The following ZNF257 variants were observed in gnomAD, a reference collection of about 807,000 sequenced individuals.
ZNF257 encodes bone marrow zinc finger 4.
ZNF257 carries 12 observed loss-of-function variants against 11.9 expected under a neutral mutation model. That is an observed-to-expected ratio of 1.01 (90% CI 0.65 to 1.63). The LOEUF (loss-of-function observed/expected upper bound fraction) is 1.63, where lower values mean the gene tolerates loss of function less well. Among genes scored for constraint, ZNF257 ranks in the 40% most tolerant of loss-of-function variants. ZNF257 has a pLI of 0.00. For synonymous variants in ZNF257, 183 were observed against 222.7 expected (o/e 0.82, Z 1.59); for missense variants, 580 against 665.5 (o/e 0.87, Z 1.41).
rs189763118 is a variant in ZNF257, at chr19:22,089,075, G to A, written c.1325G>A (p.Arg442Gln). 1.7e-5 allele frequency: 27 copies of A among 1,609,778 alleles called. No individual in the cohort carries two copies. The highest frequency in any genetic ancestry group is 1.7e-4 in the Middle Eastern group (1 of 6,020). The change falls in exon 4 of 4, where the codon CGG becomes CAG. Residue 442 changes from arginine (R) to glutamine (Q), a missense_variant. By Grantham distance (43) the Arg-to-Gln change is conservative. Transcript: ENST00000594947. ...GAAGAGTGTGGCAAAGCCTTTAACC[G>A]GTCTTCATACCTTATTCGACATAAG... is the stretch of plus-strand genomic sequence containing the variant. The part of the protein sequence containing the change: ...KCEECGKAFN[R>Q]SSYLIRHKII...
In ZNF257 at chr19:22,089,560, T is replaced by A. The variant is rs546726229; in HGVS notation, c.*118T>A. 1.8e-5 allele frequency: 26 copies of A among 1,477,180 alleles called. No homozygotes were observed. In the African/African-American group the frequency reaches 2.8e-4, roughly 16 times the overall value. 91.5% of individuals were successfully genotyped at this position (1,477,180 alleles called of 1,614,324 possible). A position where few individuals can be genotyped will look rare whatever the true frequency, so the allele number is the denominator to read the frequency against. On this transcript the variant is annotated 3_prime_UTR_variant, in exon 4 of 4. Transcript: ENST00000594947. ...CCCTACAAATGTGAAGAACGTGGCCTGGCTTTTAACAAATCCTCAACATTT... is the reference window on the plus strand; with the variant it reads ...CCCTACAAATGTGAAGAACGTGGCCAGGCTTTTAACAAATCCTCAACATTT...
At chr19:22,079,744 C>T (rs1431047109) in intron 3 of ZNF257, among the ~76,000 whole-genome samples, 2 of 152,068 alleles carry the variant, frequency 1.3e-5, no homozygotes, top group Non-Finnish European at 2.9e-5. Flanking sequence ...CATATTATTT[C>T]TGTTAAAAAC....
chr19:22,084,146 A>G (rs2022421683), intron 3 of ZNF257, among the ~76,000 whole-genome samples: 1 of 151,948 alleles, frequency 6.6e-6, no homozygotes, highest in Non-Finnish European at 1.5e-5. Context: ...ATCTCAAAAA[A>G]AAAAAAAAGA....
At chr19:22,063,307 A>G (rs989867658) in intron 1 of ZNF257, among the ~76,000 whole-genome samples, 1 of 151,646 alleles carries the variant, frequency 6.6e-6, no homozygotes, top group African/African-American at 2.4e-5. Context: ...CAAAGATTTA[A>G]CTCCTGGATT....
chr19:22,083,205 C>G (rs757450569), intron 3 of ZNF257, among the ~76,000 whole-genome samples: 1 of 152,138 alleles, frequency 6.6e-6, no homozygotes, highest in Admixed American at 6.5e-5. Context: ...TGTGGTGGCT[C>G]ACACCTGTAA....
intron 1 of ZNF257, chr19:22,064,249 A>T (rs1178150547): frequency 3.3e-5 from 5 of 152,218 alleles, no homozygotes; most frequent in African/African-American, 9.6e-5. Context: ...CCTTGAAATA[A>T]GCACTTAGCA....
chr19:22,054,831 G>A (rs536674006), intron 1 of ZNF257, among the ~76,000 whole-genome samples: 2 of 151,808 alleles, frequency 1.3e-5, no homozygotes, highest in South Asian at 4.2e-4. Context: ...TTGGTCTTGG[G>A]CTTCAGTATT....
chr19:22,078,619 A>C (rs2022285857), intron 3 of ZNF257, among the ~76,000 whole-genome samples: 1 of 152,050 alleles, frequency 6.6e-6, no homozygotes, highest in Non-Finnish European at 1.5e-5. Context: ...TGATGCATTT[A>C]ATGTTGTATC....
chr19:22,065,770 G>A (rs1196209668), intron 1 of ZNF257: 1 of 152,116 alleles, frequency 6.6e-6, no homozygotes, highest in African/African-American at 2.4e-5. Context: ...AGTTAACTAT[G>A]TTGCAAGCTC....
In ZNF257 at chr19:22,072,938, G is replaced by C; in HGVS notation, c.130+3G>C. 1.2e-6 allele frequency: 2 copies of C among 1,610,594 alleles called. No individual in the cohort carries two copies. The highest frequency in any genetic ancestry group is 1.7e-6 in the Non-Finnish European group (2 of 1,178,482). ...CTACAGAAACCTGGTCTTCCTGGGT[G>C]AGGATAACTTCAGTACTCAATTCCT... On this transcript the variant is annotated splice_donor_region_variant and intron_variant, in intron 2 of 3. Coordinates refer to ENST00000594947, the MANE Select transcript of ZNF257 (RefSeq NM_033468.4).
chr19:22,053,593 C>A (rs6511314), intron 1 of ZNF257, among the ~76,000 whole-genome samples: 36,974 of 151,916 alleles, frequency 0.24, 6,240 homozygotes, highest in African/African-American at 0.48. Context: ...TAGTTGGCTA[C>A]GCCTCAATTT....
At chr19:22,067,853 A>C in intron 1 of ZNF257, among the ~76,000 whole-genome samples, 1 of 143,712 alleles carries the variant, frequency 7.0e-6, no homozygotes. Context: ...AAAAAATAAA[A>C]AATAAATGAG....
At chr19:22,086,107 T>G (rs1051288350) in intron 3 of ZNF257, among the ~76,000 whole-genome samples, 1 of 152,114 alleles carries the variant, frequency 6.6e-6, no homozygotes, top group African/African-American at 2.4e-5. Context: ...ATTTGATTCT[T>G]GTATCTTTGT....
At chr19:22,080,014 C>G (rs1280025071) in intron 3 of ZNF257, among the ~76,000 whole-genome samples, 4 of 152,080 alleles carry the variant, frequency 2.6e-5, no homozygotes, top group African/African-American at 9.7e-5. Context: ...GGATCTTACT[C>G]TGTCACCTAG....
intron 1 of ZNF257, among the ~76,000 whole-genome samples, chr19:22,057,834 A>G (rs539784139): frequency 6.6e-6 from 1 of 152,292 alleles, no homozygotes; most frequent in Non-Finnish European, 1.5e-5. Context: ...ATCTCAGCTC[A>G]CTGCAACCTC....
At chr19:22,078,099 G>A (rs893070347) in intron 3 of ZNF257, among the ~76,000 whole-genome samples, 2 of 151,448 alleles carry the variant, frequency 1.3e-5, no homozygotes, top group Non-Finnish European at 2.9e-5. Flanking sequence ...TTAGCTGGGC[G>A]TGGTGGCGGG....
At chr19:22,055,938 C>G (rs1175127287) in intron 1 of ZNF257, among the ~76,000 whole-genome samples, 2 of 151,594 alleles carry the variant, frequency 1.3e-5, no homozygotes, top group East Asian at 2.0e-4. Context: ...GCCTGTAGTC[C>G]CAGCTACTCG....
intron 1 of ZNF257, among the ~76,000 whole-genome samples, chr19:22,071,884 A>T (rs1034214713): frequency 2.6e-5 from 4 of 152,172 alleles, no homozygotes; most frequent in African/African-American, 9.7e-5. Flanking sequence ...AGAGAGCAGG[A>T]TTAAGGAAGT....
At chr19:22,052,676 G>T (rs3752168) in intron 1 of ZNF257, 41 bp downstream of exon 1, 4 of 1,603,520 alleles carry the variant, frequency 2.5e-6, no homozygotes, top group Non-Finnish European at 2.6e-6. Context: ...AGGGGAAGGG[G>T]GTGGTTGGAA....
Sources: allele counts gnomAD v4.1 joint callset (sites outside exome capture counted in the v4.1 genomes callset), GRCh38; gene constraint gnomAD v4.1.1; transcripts MANE v1.5; gene names NCBI Gene and HGNC (gene_info 2026-07-23, HGNC 2026-07-21).